The following CD163L1 variants were observed in gnomAD, a reference collection of about 807,000 sequenced individuals.
The protein encoded by CD163L1 is scavenger receptor cysteine-rich type 1 protein M160.
Under a neutral mutation model 165.4 loss-of-function variants are expected in CD163L1, and 124 were observed. That is an observed-to-expected ratio of 0.75 (90% confidence interval 0.65 to 0.87). The LOEUF (loss-of-function observed/expected upper bound fraction) is 0.87. Among genes scored for constraint, CD163L1 ranks in the 40% least tolerant of loss-of-function variants. CD163L1 has a pLI of 0.00. For synonymous variants in CD163L1, 585 were observed against 662.2 expected (o/e 0.88, Z 1.79); for missense variants, 1,525 against 1,799.9 (o/e 0.85, Z 2.76).
the CD163L1 span, chr12:7,323,376 A>G: frequency 3.0e-5 from 48 of 1,593,238 alleles, no homozygotes; most frequent in Non-Finnish European, 4.0e-5. Context: ...CTTTTCTGCT[A>G]TTCATTGCAC....
chr12:7,321,679 G>A, the CD163L1 span, among the ~76,000 whole-genome samples: 25 of 152,222 alleles, frequency 1.6e-4, no homozygotes, highest in Admixed American at 1.6e-3. Context: ...CAGTGTATGA[G>A]AAGCAGGCTG....
At chr12:7,421,156 T>C (rs1376864015) in intron 4 of CD163L1, among the ~76,000 whole-genome samples, 1 of 135,292 alleles carries the variant, frequency 7.4e-6, no homozygotes, top group African/African-American at 2.7e-5. Flanking sequence ...TGTGTATAAA[T>C]GTATATATAT....
chr12:7,363,039 A>G (rs1946937964), intron 18 of CD163L1, among the ~76,000 whole-genome samples: 1 of 152,112 alleles, frequency 6.6e-6, no homozygotes, highest in South Asian at 2.1e-4. Context: ...ACAAAAATAT[A>G]CACGAAATAA....
downstream of CD163L1, among the ~76,000 whole-genome samples, chr12:7,341,814 T>C (rs757331571): frequency 6.6e-5 from 10 of 152,212 alleles, no homozygotes; most frequent in African/African-American, 1.2e-4. Context: ...TTAGCCTATA[T>C]GGAATTACCT....
chr12:7,324,094 C>G, the CD163L1 span, among the ~76,000 whole-genome samples: 2 of 151,774 alleles, frequency 1.3e-5, no homozygotes, highest in Non-Finnish European at 2.9e-5. Context: ...GAGAGGATCA[C>G]TAGAGCCCAG....
At chr12:7,399,074 C>G (rs1195914734) in intron 6 of CD163L1, among the ~76,000 whole-genome samples, 2 of 152,060 alleles carry the variant, frequency 1.3e-5, no homozygotes, top group African/African-American at 4.8e-5. Context: ...CTTTTTAATT[C>G]TTAATTTTTC....
Position 7,368,082 on chromosome 12 carries a change from C to T in CD163L1, c.4183+5G>A. The T allele has an allele frequency of 6.5e-7, 1 of 1,546,004 alleles. No individual in the cohort carries two copies. The highest frequency in any genetic ancestry group is 8.9e-7 in the Non-Finnish European group (1 of 1,118,204). ...CATTTTATACAATCCTAGTGGGGCT[C>T]TCACCTCTGAGGGGCAGATGTTTTT... On this transcript the variant is annotated splice_donor_5th_base_variant and intron_variant, in intron 17 of 19. Coordinates refer to ENST00000313599, the MANE Select transcript of CD163L1 (RefSeq NM_174941.6). This position sits in a 1 kb window ranked among gnomAD's most constrained non-coding sequence, Gnocchi z 4.3.
At position 7,407,808 on chromosome 12, in the gene CD163L1, GAC is replaced by G. The variant is rs1174251700; in HGVS notation, c.767-958_767-957del. Among the ~76,000 whole-genome samples the G allele has an allele frequency of 1.6e-3, 170 of 109,136 alleles. 2 individuals carry two copies. Among genetic ancestry groups the G allele is most frequent in the African/African-American group, 4.9e-3 (139 of 28,312 alleles). 71.6% of individuals were successfully genotyped at this position (109,136 alleles called of 152,430 possible). A position where few individuals can be genotyped will look rare whatever the true frequency, so the allele number is the denominator to read the frequency against. On this transcript the variant is annotated intron_variant, in intron 4 of 19. Coordinates refer to ENST00000313599, the MANE Select transcript of CD163L1 (RefSeq NM_174941.6). ...ACACACACACACACACACACACACA[GAC>G]ACACACACACACACACATACACACA...
At chr12:7,414,491 A>G (rs1276838330) in intron 4 of CD163L1, among the ~76,000 whole-genome samples, 2 of 152,138 alleles carry the variant, frequency 1.3e-5, no homozygotes, top group Non-Finnish European at 2.9e-5. Flanking sequence ...ATTAACCAAT[A>G]TATGCATTAT....
the CD163L1 span, among the ~76,000 whole-genome samples, chr12:7,329,911 G>A: frequency 1.2e-4 from 18 of 152,262 alleles, no homozygotes; most frequent in African/African-American, 4.3e-4. Context: ...TTCTGCAGCA[G>A]CTTTCACAAA....
At chr12:7,387,186 T>A in intron 8 of CD163L1, among the ~76,000 whole-genome samples, 1 of 151,864 alleles carries the variant, frequency 6.6e-6, no homozygotes, top group Non-Finnish European at 1.5e-5. Context: ...AATAACAAAC[T>A]ACTGAGAAAG....
At chr12:7,386,246 G>A (rs141503674) in intron 8 of CD163L1, among the ~76,000 whole-genome samples, 2 of 151,828 alleles carry the variant, frequency 1.3e-5, no homozygotes, top group Non-Finnish European at 2.9e-5. Context: ...GTACACATAC[G>A]ATCTGCCCAA....
intron 8 of CD163L1, among the ~76,000 whole-genome samples, chr12:7,384,410 G>A (rs1366915719): frequency 2.0e-5 from 3 of 152,060 alleles, no homozygotes; most frequent in Non-Finnish European, 4.4e-5. Context: ...GGTTTTAAAA[G>A]ATACTTAGAT....
intron 4 of CD163L1, among the ~76,000 whole-genome samples, chr12:7,412,444 C>A (rs1398166863): frequency 6.6e-6 from 1 of 152,012 alleles, no homozygotes; most frequent in East Asian, 1.9e-4. Flanking sequence ...AACAATCTTC[C>A]CATAAAGAAC....
chr12:7,401,461 A>G (rs2136516645), intron 6 of CD163L1, among the ~76,000 whole-genome samples: 1 of 152,246 alleles, frequency 6.6e-6, no homozygotes, highest in Admixed American at 6.5e-5. Context: ...AAAAAGATGC[A>G]TATGGTTTTA....
At chr12:7,366,332 T>TA (rs772830400) in intron 18 of CD163L1, among the ~76,000 whole-genome samples, 66 of 152,220 alleles carry the variant, frequency 4.3e-4, no homozygotes, top group South Asian at 1.0e-3. Flanking sequence ...GATAAATCAA[T>TA]AAGGTGACTA....
chr12:7,322,300 A>C, the CD163L1 span: 1 of 1,400,740 alleles, frequency 7.1e-7, no homozygotes, highest in South Asian at 1.2e-5. Flanking sequence ...TGTTGAATGA[A>C]CTTTGCTAAG....
At chr12:7,425,089 C>G (rs1591960852) in intron 4 of CD163L1, among the ~76,000 whole-genome samples, 1 of 152,140 alleles carries the variant, frequency 6.6e-6, no homozygotes, top group Admixed American at 6.6e-5. Context: ...CAAAACTACA[C>G]TACAAGGTAG....
At position 7,368,150 on chromosome 12, in the gene CD163L1, C is replaced by A; in HGVS notation, c.4120G>T (p.Val1374Phe). Reference protein sequence around the residue: ...LSSIFGLLLLVLFILFLTWCR... With the variant: ...LSSIFGLLLLFLFILFLTWCR... ...CACGTGAGAAATAGAATAAACAGAA[C>A]CAGGAGAAGGAGCCCAAAGATACTG... The change falls in exon 17 of 20, where the codon GTT (valine) becomes TTT (phenylalanine). Residue 1374 changes from valine to phenylalanine, a missense_variant. Transcript: ENST00000313599. The surrounding 1 kb of genome is among the most constrained non-coding windows in gnomAD (Gnocchi z 4.3). The A allele has an allele frequency of 1.2e-6, 2 of 1,612,392 alleles. No homozygotes were observed. The highest frequency in any genetic ancestry group is 1.7e-6 in the Non-Finnish European group (2 of 1,178,680).
Sources: gnomAD v4.1 joint callset for allele counts (sites outside exome capture counted in the v4.1 genomes callset) on GRCh38, gnomAD v4.1.1 for gene constraint, Gnocchi (gnomAD v3.1) non-coding constraint, MANE v1.5 for transcripts, NCBI Gene and HGNC (gene_info 2026-07-23, HGNC 2026-07-21) for gene names.